Variants in CCDC144A observed in about 807,000 individuals in gnomAD.
The protein encoded by CCDC144A is coiled-coil domain containing 144A.
Under a neutral mutation model 143.8 loss-of-function variants are expected in CCDC144A, and 41 were observed. The observed-to-expected ratio is 0.29, with a 90% CI of 0.22 to 0.37. CCDC144A has a LOEUF of 0.37. Among genes scored for constraint, CCDC144A ranks in the 10% least tolerant of loss-of-function variants. CCDC144A has a pLI of 1.00. For missense variants in CCDC144A, 637 were observed against 1,488.8 expected (o/e 0.43, Z 9.41); for synonymous variants, 242 against 517.9 (o/e 0.47, Z 7.23).
intron 12 of CCDC144A, chr17:16,745,942 C>G: frequency 6.2e-7 from 1 of 1,604,756 alleles, no homozygotes; most frequent in Non-Finnish European, 8.5e-7. Context: ...CGGTCAGGCT[C>G]GTGGTGAGCT....
intron 1 of CCDC144A, among the ~76,000 whole-genome samples, chr17:16,691,049 T>C (rs559209429): frequency 1.0e-3 from 158 of 152,294 alleles, no homozygotes; most frequent in African/African-American, 3.7e-3. Context: ...GTTCCTTCCA[T>C]CCTTAAGAAC....
intron 15 of CCDC144A, chr17:16,767,404 G>C (rs1345562163): frequency 6.6e-6 from 1 of 152,068 alleles, no homozygotes; most frequent in Non-Finnish European, 1.5e-5. Context: ...GAAAGAAGGT[G>C]CCTTCTAGAG....
intron 8 of CCDC144A, among the ~76,000 whole-genome samples, chr17:16,721,457 GA>G (rs1323348089): frequency 6.7e-6 from 1 of 149,920 alleles, no homozygotes; most frequent in Non-Finnish European, 1.5e-5. Context: ...TTTAAATTTT[GA>G]AATTTTAGCC....
intron 2 of CCDC144A, among the ~76,000 whole-genome samples, chr17:16,695,921 G>T (rs1384301940): frequency 6.6e-6 from 1 of 152,128 alleles, no homozygotes; most frequent in Non-Finnish European, 1.5e-5. Context: ...ATGCTTGAGT[G>T]AACTTTGCAG....
intron 12 of CCDC144A, among the ~76,000 whole-genome samples, chr17:16,756,037 C>T (rs1229131335): frequency 6.6e-6 from 1 of 152,310 alleles, no homozygotes; most frequent in East Asian, 1.9e-4. Context: ...TTTTCTCTTG[C>T]TCTTTGTCTT....
At chr17:16,682,883 G>GTTTTTTTTTTTTTTT in the CCDC144A span, among the ~76,000 whole-genome samples, 9 of 46,454 alleles carry the variant, frequency 1.9e-4, 2 homozygotes, top group East Asian at 4.5e-4. Context: ...TGGATTCTCT[G>GTTTTTTTTTTTTTTT]TTTTTTTTTT....
intron 12 of CCDC144A, among the ~76,000 whole-genome samples, chr17:16,753,428 G>GTTTT: frequency 1.4e-4 from 8 of 57,362 alleles, no homozygotes; most frequent in Admixed American, 4.0e-4. Flanking sequence ...GTGTTTTGTA[G>GTTTT]TTTTTTTTTT....
upstream of CCDC144A, among the ~76,000 whole-genome samples, chr17:16,686,034 A>G (rs141100210): frequency 0.026 from 3,784 of 145,098 alleles, 158 homozygotes; most frequent in African/African-American, 0.092. Context: ...CACCTGCCTC[A>G]GCCTCCCAAA....
chr17:16,721,895 A>G (rs920770364), intron 8 of CCDC144A, among the ~76,000 whole-genome samples: 2 of 152,224 alleles, frequency 1.3e-5, no homozygotes, highest in Non-Finnish European at 2.9e-5. Flanking sequence ...GATTGTGAAT[A>G]AAGACAGTTT....
intron 12 of CCDC144A, among the ~76,000 whole-genome samples, chr17:16,736,934 C>T (rs1914034576): frequency 6.6e-6 from 1 of 152,114 alleles, no homozygotes; most frequent in Non-Finnish European, 1.5e-5. Context: ...GTACCAAATT[C>T]TTTTTGAGAC....
chr17:16,734,992 A>G lies in CCDC144A; in HGVS notation c.2721A>G (p.Glu907=). The G allele has an allele frequency of 6.2e-7, 1 of 1,610,096 alleles. No homozygotes were observed. The highest frequency in any genetic ancestry group is 8.5e-7 in the Non-Finnish European group (1 of 1,178,846). ...SELENGKQNQ[E]RLEIEMESYR... is the part of the protein sequence containing the mutation. Reference sequence around the variant, plus strand: ...TGGAGAATGGGAAACAGAACCAAGAAAGACTAGAAATAGAAATGGAATCAT... The same window carrying G: ...TGGAGAATGGGAAACAGAACCAAGAGAGACTAGAAATAGAAATGGAATCAT... Residue 907 remains glutamate, a synonymous_variant, in exon 12 of 17, where the codon GAA becomes GAG. Coordinates refer to ENST00000399273, the MANE Select transcript of CCDC144A (RefSeq NM_001382000.1).
chr17:16,697,379 T>C (rs1416433630), intron 2 of CCDC144A, among the ~76,000 whole-genome samples: 1 of 152,208 alleles, frequency 6.6e-6, no homozygotes, highest in African/African-American at 2.4e-5. Context: ...CCGGTAAAAC[T>C]TTATTTACAA....
intron 2 of CCDC144A, among the ~76,000 whole-genome samples, chr17:16,694,360 C>T (rs1186939320): frequency 1.3e-5 from 2 of 152,168 alleles, no homozygotes; most frequent in Non-Finnish European, 1.5e-5. Flanking sequence ...GTGGGAGGAT[C>T]GCCTGTGTCC....
intron 6 of CCDC144A, among the ~76,000 whole-genome samples, chr17:16,712,309 A>G (rs1168846884): frequency 6.6e-6 from 1 of 152,126 alleles, no homozygotes; most frequent in Non-Finnish European, 1.5e-5. Flanking sequence ...TTTTCTAATC[A>G]TATTGATATT....
chr17:16,761,187 AT>A (rs1426992737), intron 12 of CCDC144A, among the ~76,000 whole-genome samples: 1 of 152,158 alleles, frequency 6.6e-6, no homozygotes, highest in Non-Finnish European at 1.5e-5. Context: ...ATTAAAAAAA[AT>A]TTAGCCAGGG....
the CCDC144A span, among the ~76,000 whole-genome samples, chr17:16,675,869 A>G: frequency 6.6e-6 from 1 of 151,302 alleles, no homozygotes; most frequent in Non-Finnish European, 1.5e-5. Flanking sequence ...CAGCCTCCCA[A>G]GTAGCTGGGA....
upstream of CCDC144A, chr17:16,689,814 C>G (rs143514915): frequency 0.031 from 4,750 of 152,392 alleles, 235 homozygotes; most frequent in African/African-American, 0.11. Context: ...CGCTTGCGTC[C>G]TGGCAGCGCG....
At chr17:16,687,788 GA>G (rs534809603), upstream of CCDC144A, among the ~76,000 whole-genome samples, 155 of 152,220 alleles carry the variant, frequency 1.0e-3, no homozygotes, top group African/African-American at 3.6e-3. Flanking sequence ...AGCCTTTTTA[GA>G]AGCATTTTGA....
intron 2 of CCDC144A, among the ~76,000 whole-genome samples, chr17:16,697,712 T>C: frequency 6.6e-6 from 1 of 152,250 alleles, no homozygotes; most frequent in East Asian, 1.9e-4. Context: ...AGTTGTTTTT[T>C]CCCTATAAAA....
Sources: allele counts gnomAD v4.1 joint callset (sites outside exome capture counted in the v4.1 genomes callset), GRCh38; gene constraint gnomAD v4.1.1; transcripts MANE v1.5; gene names NCBI Gene and HGNC (gene_info 2026-07-23, HGNC 2026-07-21).